ITPR3: variants seen among roughly 807,000 people sequenced by gnomAD.
ITPR3 encodes inositol 1,4,5-trisphosphate receptor type 3.
A neutral mutation model predicts 293.2 loss-of-function variants in ITPR3; 173 were observed. The ratio of observed to expected loss-of-function variants is 0.59; its 90% CI spans 0.52 to 0.67. ITPR3 has a LOEUF of 0.67. ITPR3 is among the 30% of genes least tolerant of loss of function. The pLI, the probability that ITPR3 is intolerant of heterozygous loss-of-function variation, is 0.00. For synonymous variants in ITPR3, 1,295 were observed against 1,444.4 expected, an observed-to-expected ratio of 0.90 and a Z score of 2.35; for missense variants, 2,796 against 3,592.1, an observed-to-expected ratio of 0.78 and a Z score of 5.66.
rs1303729780 is a variant in ITPR3 at position 33,624,543 on chromosome 6, G to C, written c.89+2852G>C. Among the ~76,000 whole-genome samples the C allele has an allele frequency of 1.3e-5, 2 of 152,212 alleles. No individual in the cohort carries two copies. Among genetic ancestry groups the C allele is most frequent in the Non-Finnish European group, 2.9e-5 (2 of 68,046 alleles). ...ACTGGTGCATTAAAGTGTGAGGAGC[G>C]TTGCTCTGAGTGATTTTCTCTCTGC... is the stretch of plus-strand genomic sequence containing the variant. On this transcript the variant is annotated intron_variant, in intron 1 of 57. Coordinates refer to ENST00000605930, the MANE Select transcript of ITPR3 (RefSeq NM_002224.4). The surrounding 1 kb of genome is among the most constrained non-coding windows in gnomAD (Gnocchi z 4.7).
In ITPR3 at chr6:33,659,047, G is replaced by A. The variant is rs771215002; in HGVS notation, c.555G>A (p.Leu185=). 3 of 1,614,108 alleles carry A rather than the reference G, an allele frequency of 1.9e-6. No homozygotes were observed. The Admixed American group carries it at 5.0e-5, about 27-fold the overall frequency. Residue 185 remains leucine (L), a synonymous_variant, in exon 6 of 58, where the codon CTG becomes CTA. Transcript: ENST00000605930. ...DNVVVGDKVI[L]NPVNAGQPLH... ...TGGTCGTGGGGGACAAGGTGATCCT[G>A]AATCCTGTCAATGCCGGGCAGCCTC...
At chr6:33,663,632 G>A (rs1764534512) in intron 10 of ITPR3, 82 bp downstream of exon 10, 1 of 1,605,998 alleles carries the variant, frequency 6.2e-7, no homozygotes, top group Admixed American at 1.7e-5. Context: ...TGAAAACCTG[G>A]GAGGTGGGCT....
Position 33,669,131 on chromosome 6 carries a change from G to T in ITPR3, c.2164G>T (p.Asp722Tyr). The change falls in exon 18 of 58, where the codon GAC becomes TAC. Residue 722 changes from aspartate to tyrosine, a missense_variant. Physicochemically the swap from Asp to Tyr is radical, Grantham distance 160. This residue lies in a region of ITPR3 where 955 missense variants were observed against 1,180.8 expected (regional missense o/e 0.81). Coordinates refer to ENST00000605930, the MANE Select transcript of ITPR3 (RefSeq NM_002224.4). ...AQEARAGNAH[D>Y]ENVLSYYRYQ... ...GGAGGCGCGGGCCGGCAACGCCCACGACGAGAATGTGCTCAGCTACTACAG... is the reference window on the plus strand; with the variant it reads ...GGAGGCGCGGGCCGGCAACGCCCACTACGAGAATGTGCTCAGCTACTACAG... The T allele has an allele frequency of 1.2e-6, 2 of 1,613,942 alleles. No individual in the cohort carries two copies. The highest frequency in any genetic ancestry group is 1.1e-5 in the South Asian group (1 of 91,028).
intron 2 of ITPR3, among the ~76,000 whole-genome samples, chr6:33,644,541 C>T (rs1444024588): frequency 6.6e-6 from 1 of 151,838 alleles, no homozygotes; most frequent in African/African-American, 2.4e-5. Flanking sequence ...AATTGGTGTG[C>T]ATCATTCAAG....
intron 2 of ITPR3, among the ~76,000 whole-genome samples, chr6:33,649,094 C>T (rs1483292305): frequency 1.3e-5 from 2 of 151,330 alleles, no homozygotes; most frequent in Non-Finnish European, 2.9e-5. Context: ...CAGTAGAGAC[C>T]GGGTTTCACC....
intron 16 of ITPR3, among the ~76,000 whole-genome samples, chr6:33,668,260 A>C (rs1764666840): frequency 1.3e-5 from 2 of 152,172 alleles, no homozygotes; most frequent in Admixed American, 1.3e-4. Flanking sequence ...AATATTTTGA[A>C]TATCACCTCG....
chr6:33,689,144 G>A, intron 49 of ITPR3, 94 bp from the exon 50 acceptor site: 1 of 1,416,044 alleles, frequency 7.1e-7, no homozygotes, highest in Non-Finnish European at 9.7e-7. Flanking sequence ...CGGGAAGGCG[G>A]CCAGGAGAAG....
intron 1 of ITPR3, among the ~76,000 whole-genome samples, chr6:33,626,362 A>G (rs550680715): frequency 5.9e-5 from 9 of 152,286 alleles, no homozygotes; most frequent in African/African-American, 2.2e-4. Flanking sequence ...TTCAGCTCCC[A>G]AGTCCCATGC....
intron 1 of ITPR3, among the ~76,000 whole-genome samples, chr6:33,635,387 T>C (rs1483561723): frequency 1.3e-5 from 2 of 152,228 alleles, no homozygotes; most frequent in African/African-American, 4.8e-5. Flanking sequence ...TTGTGTACTT[T>C]ACTGCACAGC....
intron 1 of ITPR3, among the ~76,000 whole-genome samples, chr6:33,637,077 T>C (rs1763841981): frequency 6.6e-6 from 1 of 152,152 alleles, no homozygotes; most frequent in Admixed American, 6.5e-5. Context: ...AATAACAATA[T>C]ATGAAAACAT....
In ITPR3 at chr6:33,667,415, A is replaced by G. The variant is rs915466189; in HGVS notation, c.1713+125A>G. 2 of 1,276,292 alleles carry G rather than the reference A, an allele frequency of 1.6e-6. No homozygotes were observed. Among genetic ancestry groups the G allele is most frequent in the Non-Finnish European group, 1.1e-6 (1 of 943,478 alleles). 79.1% of individuals were successfully genotyped at this position (1,276,292 alleles called of 1,614,324 possible). On this transcript the variant is annotated intron_variant, in intron 15 of 57. Coordinates refer to ENST00000605930, the MANE Select transcript of ITPR3 (RefSeq NM_002224.4). The surrounding 1 kb of genome is among the most constrained non-coding windows in gnomAD (Gnocchi z 4.4). ...CCTAGGGTCCAGTAGGGCACCAGAC[A>G]GCAGGGCCGGGTTCATGGGAATGGG...
Position 33,693,715 on chromosome 6 carries a change from G to A in ITPR3, c.7785+10G>A. 2.5e-6 allele frequency: 4 copies of A among 1,613,448 alleles called. No individual in the cohort carries two copies. In the South Asian group the frequency reaches 3.3e-5, roughly 13 times the overall value. ...GGCCCAGATGATCAAGGTGTGAGCA[G>A]GGGCTGTGCCAGGCCTGTGGGCCCA... On this transcript the variant is annotated intron_variant, in intron 56 of 57. Transcript: ENST00000605930.
At chr6:33,652,280 G>A (rs1433322306) in intron 2 of ITPR3, among the ~76,000 whole-genome samples, 1 of 152,124 alleles carries the variant, frequency 6.6e-6, no homozygotes, top group African/African-American at 2.4e-5. Flanking sequence ...TATACAGGAG[G>A]AAGTAATTTC....
intron 49 of ITPR3, 43 bp downstream of exon 49, chr6:33,688,824 A>G (rs1196127446): frequency 1.9e-6 from 3 of 1,613,128 alleles, no homozygotes; most frequent in Non-Finnish European, 2.5e-6. Flanking sequence ...GGGCCCTGCC[A>G]TGCTTCCTCC....
chr6:33,666,063 C>T lies in ITPR3; in HGVS notation c.1551+87C>T. 1 of 1,481,834 alleles carries T rather than the reference C, an allele frequency of 6.7e-7. No individual in the cohort carries two copies. Among genetic ancestry groups the T allele is most frequent in the Non-Finnish European group, 9.1e-7 (1 of 1,097,480 alleles). The allele number at this position is 1,481,834 out of a possible 1,614,324, so 91.8% of individuals were successfully genotyped here. A position where few individuals can be genotyped will look rare whatever the true frequency, so the allele number is the denominator to read the frequency against. On this transcript the variant is annotated intron_variant, in intron 14 of 57. Transcript: ENST00000605930. This position sits in a 1 kb window ranked among gnomAD's most constrained non-coding sequence, Gnocchi z 5.1. ...ACTGCAGGCTCATCCCCCGCTTTAA[C>T]AAAAATCAGTATATATGGGGCACGA... is the stretch of plus-strand genomic sequence containing the variant.
chr6:33,692,384 G>C lies in ITPR3; in HGVS notation c.7459-344G>C, dbSNP rs940820805. 1.3e-5 allele frequency among the ~76,000 whole-genome samples: 2 copies of C among 152,076 alleles called. No individual in the cohort carries two copies. Among genetic ancestry groups the C allele is most frequent in the Non-Finnish European group, 2.9e-5 (2 of 68,010 alleles). ...GCCAGGCGTCCTGAGGGTGGGCAGA[G>C]GTGTTCAGAGCTGCCTCTTTCCCTC... is the stretch of plus-strand genomic sequence containing the variant. On this transcript the variant is annotated intron_variant, in intron 54 of 57. Transcript: ENST00000605930. The surrounding 1 kb of genome is among the most constrained non-coding windows in gnomAD (Gnocchi z 4.2).
intron 2 of ITPR3, among the ~76,000 whole-genome samples, chr6:33,650,479 G>A (rs1764161165): frequency 6.6e-6 from 1 of 152,214 alleles, no homozygotes; most frequent in Non-Finnish European, 1.5e-5. Context: ...GCTCTCCCGG[G>A]GATGCTTCAG....
chr6:33,688,134 G>C lies in ITPR3; in HGVS notation c.6342G>C (p.Leu2114=), dbSNP rs1765287436. The change falls in exon 47 of 58, where the codon CTG becomes CTC. Residue 2114 remains leucine, a synonymous_variant. Coordinates refer to ENST00000605930, the MANE Select transcript of ITPR3 (RefSeq NM_002224.4). ...CACAGGAGGAGGAGGAAGACCCCCT[G>C]GCCTACTATGAGAACCACACGTCCC... is the stretch of plus-strand genomic sequence containing the variant. ...APAQEEEEDP[L]AYYENHTSQI... 1.2e-6 allele frequency: 2 copies of C among 1,614,160 alleles called. No homozygotes were observed. The highest frequency in any genetic ancestry group is 1.7e-6 in the Non-Finnish European group (2 of 1,180,022).
intron 1 of ITPR3, among the ~76,000 whole-genome samples, chr6:33,636,520 A>C (rs1763827619): frequency 6.6e-6 from 1 of 151,922 alleles, no homozygotes; most frequent in Non-Finnish European, 1.5e-5. Flanking sequence ...ATTTCCTGAC[A>C]GGTTAGGTGT....
Sources: allele counts gnomAD v4.1 joint callset (sites outside exome capture counted in the v4.1 genomes callset), GRCh38; gene constraint gnomAD v4.1.1; regional missense constraint gnomAD v4.1.1; non-coding constraint Gnocchi (gnomAD v3.1); transcripts MANE v1.5; gene names NCBI Gene and HGNC (gene_info 2026-07-23, HGNC 2026-07-21).